Variants in SRRM4 observed in about 807,000 individuals in gnomAD.
The protein encoded by SRRM4 is serine/arginine repetitive matrix protein 4.
In SRRM4, 33 loss-of-function variants were observed where a neutral mutation model predicts 68.9. The observed-to-expected ratio is 0.48, with a 90% CI of 0.36 to 0.64. SRRM4 has a LOEUF of 0.64. SRRM4 is among the 30% of genes least tolerant of loss of function. SRRM4 has a pLI of 0.00. For synonymous variants in SRRM4, 318 were observed against 318.8 expected (o/e 1.00, Z 0.03); for missense variants, 817 against 827.1 (o/e 0.99, Z 0.15).
Position 119,162,295 on chromosome 12 carries a change from T to C in SRRM4, c.*5497T>C, listed in dbSNP as rs989500158. On this transcript the variant is annotated 3_prime_UTR_variant, in exon 13 of 13. Coordinates refer to ENST00000267260, the MANE Select transcript of SRRM4 (RefSeq NM_194286.4). ...TCATATATGGGAGACCTCAAGTTGC[T>C]GTCACCTTGATAACTCTTGTATCCT... is the stretch of plus-strand genomic sequence containing the variant. 4 of 152,240 alleles carry C rather than the reference T, an allele frequency of 2.6e-5. No homozygotes were observed. 9.4% of individuals were successfully genotyped at this position (152,240 alleles called of 1,614,324 possible).
intron 1 of SRRM4, among the ~76,000 whole-genome samples, chr12:119,009,306 G>C (rs1311563140): frequency 2.0e-5 from 3 of 152,130 alleles, no homozygotes; most frequent in Non-Finnish European, 4.4e-5. Context: ...AATTAAAGTA[G>C]AGAATCCGGG....
At chr12:119,156,352 G>GC in intron 12 of SRRM4, 143 bp from the exon 13 acceptor site, 1 of 1,284,674 alleles carries the variant, frequency 7.8e-7, no homozygotes, top group Non-Finnish European at 1.1e-6. Flanking sequence ...TCTCAGCACT[G>GC]CAAGAGAAGT....
intron 1 of SRRM4, among the ~76,000 whole-genome samples, chr12:119,048,738 A>G (rs1565897325): frequency 1.3e-5 from 2 of 152,186 alleles, no homozygotes; most frequent in Non-Finnish European, 2.9e-5. Context: ...CAGCCTGGCC[A>G]ACATGGAGAA....
At chr12:119,101,123 A>T (rs1427815769) in intron 1 of SRRM4, among the ~76,000 whole-genome samples, 1 of 152,216 alleles carries the variant, frequency 6.6e-6, no homozygotes, top group Non-Finnish European at 1.5e-5. Flanking sequence ...GGATGCACTG[A>T]TGCAGAAGCC....
rs952132499 is a variant in SRRM4 at position 119,157,130 on chromosome 12, A to C, written c.*332A>C. The C allele has an allele frequency of 1.0e-5, 3 of 288,454 alleles. No homozygotes were observed. Among genetic ancestry groups the C allele is most frequent in the Non-Finnish European group, 1.3e-5 (2 of 156,430 alleles). 17.9% of individuals were successfully genotyped at this position (288,454 alleles called of 1,614,324 possible). ...GTGACTCAAAAATTGAGCCCTGGCC[A>C]GGAAAATGTGGAGACAGTTCTTCTC... On this transcript the variant is annotated 3_prime_UTR_variant, in exon 13 of 13. Transcript: ENST00000267260. This position sits in a 1 kb window ranked among gnomAD's most constrained non-coding sequence, Gnocchi z 4.1.
intron 2 of SRRM4, among the ~76,000 whole-genome samples, chr12:119,111,298 G>A (rs1341052414): frequency 6.6e-6 from 1 of 152,190 alleles, no homozygotes; most frequent in Non-Finnish European, 1.5e-5. Flanking sequence ...CTAGTGTAGG[G>A]AAAAATAGGG....
intron 1 of SRRM4, among the ~76,000 whole-genome samples, chr12:119,063,133 T>C (rs555406066): frequency 2.6e-5 from 4 of 152,332 alleles, no homozygotes. Context: ...ATCTACTAAA[T>C]ACTTGGCACT....
intron 2 of SRRM4, among the ~76,000 whole-genome samples, chr12:119,103,981 C>T (rs567041653): frequency 7.9e-5 from 12 of 151,666 alleles, no homozygotes; most frequent in Non-Finnish European, 8.8e-5. Context: ...TCAGCCTGGG[C>T]GACAGAGTGA....
intron 9 of SRRM4, among the ~76,000 whole-genome samples, chr12:119,146,987 A>G (rs1029744812): frequency 6.6e-6 from 1 of 152,164 alleles, no homozygotes; most frequent in Non-Finnish European, 1.5e-5. Flanking sequence ...TTGAAAACTT[A>G]TCTCTACATA....
intron 1 of SRRM4, among the ~76,000 whole-genome samples, chr12:119,101,135 G>T (rs2136041602): frequency 6.6e-6 from 1 of 152,308 alleles, no homozygotes. Context: ...GCAGAAGCCT[G>T]GTGCATGAGA....
chr12:119,127,554 C>G (rs1358783813), intron 7 of SRRM4, among the ~76,000 whole-genome samples: 1 of 152,158 alleles, frequency 6.6e-6, no homozygotes, highest in Admixed American at 6.5e-5. Flanking sequence ...ATAGTGAAAC[C>G]TTGTCTCTAT....
chr12:118,985,677 G>A (rs909147521), intron 1 of SRRM4, among the ~76,000 whole-genome samples: 2 of 152,122 alleles, frequency 1.3e-5, no homozygotes, highest in Non-Finnish European at 2.9e-5. Flanking sequence ...CCCCATCCAA[G>A]AAGGGTAGTC....
Position 119,119,037 on chromosome 12 carries a change from C to T in SRRM4, c.438-1213C>T, listed in dbSNP as rs568178009. On this transcript the variant is annotated intron_variant, in intron 4 of 12. Transcript: ENST00000267260. The stretch of plus-strand genomic sequence containing the variant: ...TTTTGGAGATGGGACCTAGGGGTAG[C>T]GAAAGCACTGAGATTTTTTTTTTTT... Among the ~76,000 whole-genome samples, 13 of 143,006 alleles carry T rather than the reference C, an allele frequency of 9.1e-5. No homozygotes were observed. In the South Asian group the frequency reaches 1.6e-3, roughly 18 times the overall value. The allele number at this position is 143,006 out of a possible 152,430, so 93.8% of individuals were successfully genotyped here. A position where few individuals can be genotyped will look rare whatever the true frequency, so the allele number is the denominator to read the frequency against.
At chr12:119,126,177 C>T (rs1417615545) in intron 7 of SRRM4, among the ~76,000 whole-genome samples, 1 of 151,694 alleles carries the variant, frequency 6.6e-6, no homozygotes, top group Non-Finnish European at 1.5e-5. Flanking sequence ...GCGCCCGCCA[C>T]CACACCTGGC....
intron 1 of SRRM4, among the ~76,000 whole-genome samples, chr12:119,007,022 A>G (rs959036534): frequency 6.6e-6 from 1 of 152,212 alleles, no homozygotes; most frequent in Non-Finnish European, 1.5e-5. Context: ...GGGCCACCTC[A>G]GGGTCAGCTT....
intron 7 of SRRM4, among the ~76,000 whole-genome samples, chr12:119,127,868 T>C (rs1261059450): frequency 2.0e-5 from 3 of 152,198 alleles, no homozygotes; most frequent in Admixed American, 6.5e-5. Flanking sequence ...AGATTTTCAA[T>C]ACATTTTCTC....
At chr12:119,142,762 C>T (rs1172671400) in intron 8 of SRRM4, among the ~76,000 whole-genome samples, 1 of 152,140 alleles carries the variant, frequency 6.6e-6, no homozygotes, top group East Asian at 1.9e-4. Flanking sequence ...TTCCATGATC[C>T]CATCTTTGTA....
intron 9 of SRRM4, among the ~76,000 whole-genome samples, chr12:119,149,027 T>C (rs375172527): frequency 3.0e-4 from 45 of 152,310 alleles, no homozygotes; most frequent in African/African-American, 1.1e-3. Context: ...CAAACCCTTC[T>C]GAGACTTCTC....
At chr12:119,105,687 A>G (rs1036414211) in intron 2 of SRRM4, among the ~76,000 whole-genome samples, 1 of 152,010 alleles carries the variant, frequency 6.6e-6, no homozygotes, top group African/African-American at 2.4e-5. Context: ...TTTCTTGTAA[A>G]TTTGTTTAAG....
Sources: gnomAD v4.1 joint callset for allele counts (sites outside exome capture counted in the v4.1 genomes callset) on GRCh38, gnomAD v4.1.1 for gene constraint, Gnocchi (gnomAD v3.1) non-coding constraint, MANE v1.5 for transcripts, NCBI Gene and HGNC (gene_info 2026-07-23, HGNC 2026-07-21) for gene names.